HMGB1: variants seen among roughly 807,000 people sequenced by gnomAD.
HMGB1 encodes high mobility group protein B1.
For missense variants in HMGB1, 79 were observed against 253.5 expected, an observed-to-expected ratio of 0.31 and a Z score of 4.67; for synonymous variants, 81 against 84.0, an observed-to-expected ratio of 0.96 and a Z score of 0.19.
At chr13:30,554,784 G>A in intron 1 of HMGB1, 1 of 765,022 alleles carries the variant, frequency 1.3e-6, no homozygotes, top group Middle Eastern at 3.6e-4. Context: ...AAATGAGAAC[G>A]AACAAAAAAG....
chr13:30,539,661 T>A (rs1868771573), intron 1 of HMGB1: 1 of 270,724 alleles, frequency 3.7e-6, no homozygotes, highest in Admixed American at 4.1e-5. Flanking sequence ...GGTCCTGGAG[T>A]CTTCATGAAA....
intron 1 of HMGB1, among the ~76,000 whole-genome samples, chr13:30,496,959 C>T (rs1255717347): frequency 6.6e-6 from 1 of 152,122 alleles, no homozygotes; most frequent in Non-Finnish European, 1.5e-5. Flanking sequence ...TTATTCTTCT[C>T]TTCTTAGAAA....
intron 1 of HMGB1, among the ~76,000 whole-genome samples, chr13:30,583,839 A>AG (rs1555242866): frequency 3.7e-3 from 505 of 137,680 alleles, no homozygotes; most frequent in Middle Eastern, 7.9e-3. Context: ...AAAAAAAAAA[A>AG]AAAGAAAGAA....
At chr13:30,532,037 T>C (rs1888507331) in intron 1 of HMGB1, among the ~76,000 whole-genome samples, 1 of 151,470 alleles carries the variant, frequency 6.6e-6, no homozygotes, top group Admixed American at 6.6e-5. Flanking sequence ...GTCCATAATC[T>C]ATGTATTTTT....
intron 1 of HMGB1, among the ~76,000 whole-genome samples, chr13:30,615,736 T>G (rs1431815964): frequency 1.9e-4 from 29 of 152,192 alleles, no homozygotes; most frequent in Admixed American, 1.9e-3. Flanking sequence ...AGACTTGTAT[T>G]GTGGTTAAGG....
Position 30,458,699 on chromosome 13 carries a change from G to A in HMGB1, c.*2658C>T, listed in dbSNP as rs192540873. The A allele has an allele frequency of 5.6e-4, 85 of 152,314 alleles. No homozygotes were observed. Among genetic ancestry groups the A allele is most frequent in the African/African-American group, 1.9e-3 (81 of 41,562 alleles). The allele number at this position is 152,314 out of a possible 1,614,324, so 9.4% of individuals were successfully genotyped here. ...ATGGTTACAATTCCTTAGGTAGTAA[G>A]GGAAATACCTGTTGAATGGCAGTTT... On this transcript the variant is annotated 3_prime_UTR_variant, in exon 5 of 5. Coordinates refer to ENST00000341423, the MANE Select transcript of HMGB1 (RefSeq NM_002128.7).
chr13:30,483,631 T>TC (rs1887290223), intron 1 of HMGB1, among the ~76,000 whole-genome samples: 1 of 151,296 alleles, frequency 6.6e-6, no homozygotes. Context: ...TTTTTTTTTT[T>TC]TGAGTCAGGG....
rs116782083 is a variant in HMGB1 at position 30,501,050 on chromosome 13, C to T, written c.-14-37356G>A. ...TGTTGCCCAGACTAGTCTTGAACTC[C>T]TCCTGAAGTGATCCTCCCACCTTGG... On this transcript the variant is annotated intron_variant, in intron 1 of 4. Coordinates refer to the HMGB1 transcript ENST00000405805. 3.2e-3 allele frequency among the ~76,000 whole-genome samples: 492 copies of T among 152,102 alleles called. 4 individuals are homozygous for T. The highest frequency in any genetic ancestry group is 0.011 in the African/African-American group (468 of 41,480).
chr13:30,482,617 C>T (rs1208672262), intron 1 of HMGB1, among the ~76,000 whole-genome samples: 2 of 152,184 alleles, frequency 1.3e-5, no homozygotes, highest in Non-Finnish European at 2.9e-5. Flanking sequence ...CCAAGTCTGA[C>T]TCGACACCTT....
chr13:30,461,569 G>A, intron 4 of HMGB1, 36 bp from the exon 5 acceptor site: 1 of 1,566,316 alleles, frequency 6.4e-7, no homozygotes, highest in Non-Finnish European at 8.7e-7. Flanking sequence ...CAGTAGGGAA[G>A]AAAAAAACAT....
chr13:30,521,412 T>G (rs557228736), intron 1 of HMGB1, among the ~76,000 whole-genome samples: 29 of 152,348 alleles, frequency 1.9e-4, no homozygotes, highest in South Asian at 4.1e-4. Flanking sequence ...ACCATTAATC[T>G]ACTTTTTATC....
rs1566025085 is a variant in HMGB1 at position 30,559,349 on chromosome 13, A to G, written c.-15+57322T>C. On this transcript the variant is annotated intron_variant, in intron 1 of 4. Coordinates refer to the HMGB1 transcript ENST00000405805. This position sits in a 1 kb window ranked among gnomAD's most constrained non-coding sequence, Gnocchi z 6.6. ...CATTTACAAGACCATGGCTTATTTT[A>G]CAGGGTGAACTCCCAATCCCGGTAA... 6.6e-6 allele frequency among the ~76,000 whole-genome samples: 1 copy of G among 152,116 alleles called. No individual in the cohort carries two copies. The highest frequency in any genetic ancestry group is 1.5e-5 in the Non-Finnish European group (1 of 68,028).
At chr13:30,468,929 T>C (rs1393194220), upstream of HMGB1, among the ~76,000 whole-genome samples, 1 of 152,208 alleles carries the variant, frequency 6.6e-6, no homozygotes, top group Non-Finnish European at 1.5e-5. Context: ...GGTCTTGCTC[T>C]GTTGCCCAGG....
intron 1 of HMGB1, among the ~76,000 whole-genome samples, chr13:30,562,096 C>T (rs1164517007): frequency 2.6e-5 from 4 of 152,014 alleles, no homozygotes; most frequent in Non-Finnish European, 2.9e-5. Context: ...CCAAGGCAGG[C>T]GGATCACCTG....
chr13:30,490,695 A>T (rs550174466), intron 1 of HMGB1, among the ~76,000 whole-genome samples: 2 of 152,148 alleles, frequency 1.3e-5, no homozygotes, highest in African/African-American at 4.8e-5. Context: ...TGGTGGGAGG[A>T]TCGCTTAAGC....
chr13:30,511,621 G>A (rs147974086), intron 1 of HMGB1, among the ~76,000 whole-genome samples: 1 of 152,302 alleles, frequency 6.6e-6, no homozygotes, highest in Non-Finnish European at 1.5e-5. Flanking sequence ...AAGTCTTCTT[G>A]CTTCTCTCTG....
At chr13:30,616,496 T>C (rs894493952) in intron 1 of HMGB1, among the ~76,000 whole-genome samples, 3 of 152,222 alleles carry the variant, frequency 2.0e-5, no homozygotes, top group African/African-American at 7.2e-5. Flanking sequence ...AAAATGGAAG[T>C]AGCAGTGGTG....
chr13:30,465,155 T>A, intron 1 of HMGB1: 1 of 961,884 alleles, frequency 1.0e-6, no homozygotes, highest in Non-Finnish European at 1.2e-6. Flanking sequence ...GTCAGCCATG[T>A]TCCAGCGAGC....
At chr13:30,476,168 A>G (rs1471797337) in intron 1 of HMGB1, among the ~76,000 whole-genome samples, 6 of 105,436 alleles carry the variant, frequency 5.7e-5, no homozygotes, top group African/African-American at 2.2e-4. Context: ...ACTCTCTCTC[A>G]GTTTTTTTAT....
Sources: gnomAD v4.1 joint callset for allele counts (sites outside exome capture counted in the v4.1 genomes callset) on GRCh38, gnomAD v4.1.1 for gene constraint, Gnocchi (gnomAD v3.1) non-coding constraint, MANE v1.5 for transcripts, NCBI Gene and HGNC (gene_info 2026-07-23, HGNC 2026-07-21) for gene names.